EVI5L: variants seen among roughly 807,000 people sequenced by gnomAD.
EVI5L encodes EVI5-like protein.
A neutral mutation model predicts 106.1 loss-of-function variants in EVI5L; 30 were observed. The ratio of observed to expected loss-of-function variants is 0.28; its 90% confidence interval spans 0.21 to 0.38. EVI5L has a LOEUF of 0.38. Ranked by LOEUF, EVI5L falls within the 10% of genes least tolerant of loss-of-function variation. The pLI is 1.00. For synonymous variants in EVI5L, 489 were observed against 483.3 expected, an observed-to-expected ratio of 1.01 and a Z score of -0.15; for missense variants, 809 against 1,098.0, an observed-to-expected ratio of 0.74 and a Z score of 3.72.
intron 14 of EVI5L, 105 bp downstream of exon 14, chr19:7,860,794 A>G: frequency 1.5e-6 from 2 of 1,303,542 alleles, no homozygotes; most frequent in Non-Finnish European, 2.1e-6. Context: ...CCCCACCCCC[A>G]TGCACACACA....
At position 7,862,269 on chromosome 19, in the gene EVI5L, G is replaced by C; in HGVS notation, c.1792G>C (p.Glu598Gln). 1.9e-6 allele frequency: 3 copies of C among 1,581,376 alleles called. No homozygotes were observed. Among genetic ancestry groups the C allele is most frequent in the Non-Finnish European group, 2.6e-6 (3 of 1,163,942 alleles). Residue 598 changes from glutamate (E) to glutamine (Q), a missense_variant, in exon 16 of 20, where the codon GAG becomes CAG. Physicochemically the swap from Glu to Gln is conservative, Grantham distance 29 (BLOSUM62 2). Transcript: ENST00000538904. ...RELRQRVVEL[E>Q]TQDHIHRNLL... Reference sequence around the variant, plus strand: ...GCTGCGGCAGCGCGTGGTGGAACTTGAGACGCAGGTGGACTCGGGGGGCCT... The same window carrying C: ...GCTGCGGCAGCGCGTGGTGGAACTTCAGACGCAGGTGGACTCGGGGGGCCT...
rs766927367 is a variant in EVI5L, at chr19:7,857,832, C to A, written c.1234-359C>A. The stretch of plus-strand genomic sequence containing the variant: ...GCCGGGGCCTCAGCTGTCCCCAGAT[C>A]CTCACCCTCACCGGCAGAGTCTGGC... On this transcript the variant is annotated intron_variant, in intron 12 of 19. Transcript: ENST00000538904. The surrounding 1 kb of genome is among the most constrained non-coding windows in gnomAD (Gnocchi z 4.5). The A allele has an allele frequency of 1.4e-4, 38 of 264,318 alleles. No homozygotes were observed. The highest frequency in any genetic ancestry group is 2.3e-4 in the Non-Finnish European group (32 of 136,422). 16.4% of individuals were successfully genotyped at this position (264,318 alleles called of 1,614,324 possible).
rs1979564064 is a variant in EVI5L, at chr19:7,857,071, G to A, written c.1201-21G>A. 1 of 1,551,838 alleles carries A rather than the reference G, an allele frequency of 6.4e-7. No individual in the cohort carries two copies. Among genetic ancestry groups the A allele is most frequent in the Non-Finnish European group, 8.7e-7 (1 of 1,147,022 alleles). ...GCTCTGCCTCCTCCCCCTGTCGCTG[G>A]GAACCCCCTTCGCCGGGTAGGAGAG... is the stretch of plus-strand genomic sequence containing the variant. On this transcript the variant is annotated intron_variant, in intron 11 of 19. Coordinates refer to ENST00000538904, the MANE Select transcript of EVI5L (RefSeq NM_001159944.3). This position sits in a 1 kb window ranked among gnomAD's most constrained non-coding sequence, Gnocchi z 4.5.
At position 7,853,157 on chromosome 19, in the gene EVI5L, C is replaced by G; in HGVS notation, c.1059C>G (p.Val353=). Residue 353 remains valine (V), a synonymous_variant, in exon 9 of 20, where the codon GTC becomes GTG. Coordinates refer to ENST00000538904, the MANE Select transcript of EVI5L (RefSeq NM_001159944.3). ...PDKLVLKAYQ[V]KYNPKKMKRL... ...AGCTGGTCCTCAAAGCCTACCAGGT[C>G]AAGTACAACCCCAAGAAGATGAAGA... The G allele has an allele frequency of 6.2e-7, 1 of 1,614,040 alleles. No individual in the cohort carries two copies. Among genetic ancestry groups the G allele is most frequent in the Non-Finnish European group, 8.5e-7 (1 of 1,180,036 alleles).
chr19:7,854,110 C>T (rs1014560129), intron 10 of EVI5L, among the ~76,000 whole-genome samples: 10 of 151,594 alleles, frequency 6.6e-5, no homozygotes, highest in African/African-American at 1.9e-4. Flanking sequence ...AGTGAAACCC[C>T]GTCTCTATTA....
chr19:7,846,333 C>T (rs1978945308), intron 1 of EVI5L, among the ~76,000 whole-genome samples, 163 bp from the exon 2 acceptor site: 1 of 152,182 alleles, frequency 6.6e-6, no homozygotes, highest in Non-Finnish European at 1.5e-5. Flanking sequence ...ACAGAAGGGG[C>T]AGCATGGCTG....
chr19:7,852,370 G>A (rs1979293089), intron 8 of EVI5L, among the ~76,000 whole-genome samples: 1 of 152,108 alleles, frequency 6.6e-6, no homozygotes, highest in Admixed American at 6.5e-5. Flanking sequence ...ACCAGAGGGG[G>A]CCAGCTGGGC....
intron 13 of EVI5L, among the ~76,000 whole-genome samples, chr19:7,860,056 T>C (rs1176136831): frequency 2.0e-5 from 3 of 152,208 alleles, no homozygotes; most frequent in Non-Finnish European, 2.9e-5. Context: ...ACTGGGGAAC[T>C]TCTGAGAAGC....
At chr19:7,833,224 T>G (rs1978301814) in intron 1 of EVI5L, among the ~76,000 whole-genome samples, 1 of 152,156 alleles carries the variant, frequency 6.6e-6, no homozygotes, top group Non-Finnish European at 1.5e-5. Context: ...GAGATGCCAG[T>G]TGTTACAGGG....
chr19:7,843,323 GTGT>G (rs1256593387), intron 1 of EVI5L, among the ~76,000 whole-genome samples: 2 of 148,588 alleles, frequency 1.3e-5, no homozygotes, highest in East Asian at 2.0e-4. Flanking sequence ...AGGCATGGGT[GTGT>G]TGAGTGTGCA....
At chr19:7,862,695 T>A (rs1401392929) in intron 17 of EVI5L, among the ~76,000 whole-genome samples, 161 bp downstream of exon 17, 1 of 27,406 alleles carries the variant, frequency 3.6e-5, no homozygotes, top group African/African-American at 1.4e-4. Flanking sequence ...CCTGACCTGC[T>A]CCTGCCCGCG....
At position 7,863,780 on chromosome 19, in the gene EVI5L, C is replaced by G. The variant is rs1979982795; in HGVS notation, c.*78C>G. ...GGGCAGTCCGCGTTCTGCTCCCCAC[C>G]TGCCGCACTTGACAAACTACGCGCC... On this transcript the variant is annotated 3_prime_UTR_variant, in exon 20 of 20. Coordinates refer to ENST00000538904, the MANE Select transcript of EVI5L (RefSeq NM_001159944.3). The surrounding 1 kb of genome is among the most constrained non-coding windows in gnomAD (Gnocchi z 7.7). 1 of 1,413,320 alleles carries G rather than the reference C, an allele frequency of 7.1e-7. No individual in the cohort carries two copies. The allele number at this position is 1,413,320 out of a possible 1,614,324, so 87.5% of individuals were successfully genotyped here.
At chr19:7,861,106 C>T (rs892084325) in intron 14 of EVI5L, among the ~76,000 whole-genome samples, 2 of 152,140 alleles carry the variant, frequency 1.3e-5, no homozygotes, top group Non-Finnish European at 2.9e-5. Flanking sequence ...GACTTGGCAT[C>T]GACTCCACTC....
intron 1 of EVI5L, among the ~76,000 whole-genome samples, chr19:7,843,213 G>T (rs1211096957): frequency 6.7e-6 from 1 of 149,728 alleles, no homozygotes; most frequent in African/African-American, 2.5e-5. Context: ...GTGTGTGTGA[G>T]AATAAGCATG....
At chr19:7,844,347 A>AAAAGAAAGAAAG (rs1555692439) in intron 1 of EVI5L, among the ~76,000 whole-genome samples, 14 of 140,898 alleles carry the variant, frequency 9.9e-5, no homozygotes, top group South Asian at 2.3e-4. Flanking sequence ...AAAAAAAAAA[A>AAAAGAAAGAAAG]AAAGAAAGAA....
rs1185628250 is a variant in EVI5L at position 7,856,583 on chromosome 19, A to G, written c.1201-509A>G. ...GGGCTCACTGAGCCCCAGCCCCGGG[A>G]GCCCCCAATTCCTGCTCCTCACTCG... On this transcript the variant is annotated intron_variant, in intron 11 of 19. Coordinates refer to ENST00000538904, the MANE Select transcript of EVI5L (RefSeq NM_001159944.3). The surrounding 1 kb of genome is among the most constrained non-coding windows in gnomAD (Gnocchi z 6.6). Among the ~76,000 whole-genome samples, 1 of 151,876 alleles carries G rather than the reference A, an allele frequency of 6.6e-6. No individual in the cohort carries two copies. The highest frequency in any genetic ancestry group is 1.5e-5 in the Non-Finnish European group (1 of 67,930).
chr19:7,855,604 G>C (rs1460125301), intron 10 of EVI5L, among the ~76,000 whole-genome samples: 1 of 152,150 alleles, frequency 6.6e-6, no homozygotes, highest in African/African-American at 2.4e-5. Flanking sequence ...ATTGAACCCG[G>C]GTGCTTGGGG....
chr19:7,849,673 G>C (rs2146426287), intron 5 of EVI5L, among the ~76,000 whole-genome samples: 1 of 152,292 alleles, frequency 6.6e-6, no homozygotes, highest in Non-Finnish European at 1.5e-5. Flanking sequence ...CTCCTCCAGA[G>C]AAATCGGGAG....
In EVI5L at chr19:7,864,032, C is replaced by CA; in HGVS notation, c.*331dup. The stretch of plus-strand genomic sequence containing the variant: ...CAGGGGACAGACGACCCAGAGGTCC[C>CA]AGCACTGAATGAGCAGGCAGCTCCC... On this transcript the variant is annotated 3_prime_UTR_variant, in exon 20 of 20. Transcript: ENST00000538904. The surrounding 1 kb of genome is among the most constrained non-coding windows in gnomAD (Gnocchi z 4.5). 1 of 309,394 alleles carries CA rather than the reference C, an allele frequency of 3.2e-6. No individual in the cohort carries two copies. The highest frequency in any genetic ancestry group is 5.9e-6 in the Non-Finnish European group (1 of 169,004). 19.2% of individuals were successfully genotyped at this position (309,394 alleles called of 1,614,324 possible). A position where few individuals can be genotyped will look rare whatever the true frequency, so the allele number is the denominator to read the frequency against.
Sources: gnomAD v4.1 joint callset for allele counts (sites outside exome capture counted in the v4.1 genomes callset) on GRCh38, gnomAD v4.1.1 for gene constraint, Gnocchi (gnomAD v3.1) non-coding constraint, MANE v1.5 for transcripts, NCBI Gene and HGNC (gene_info 2026-07-23, HGNC 2026-07-21) for gene names.